The following DGKK variants were observed in gnomAD, a reference collection of about 807,000 sequenced individuals.
DGKK encodes 142 kDa diacylglycerol kinase.
Under a neutral mutation model 92.2 loss-of-function variants are expected in DGKK, and 35 were observed. The observed-to-expected ratio is 0.38, with a 90% confidence interval of 0.29 to 0.50. The LOEUF is 0.50. Ranked by LOEUF, DGKK falls within the 20% of genes least tolerant of loss-of-function variation. The probability of loss-of-function intolerance (pLI) is 0.92; values close to 1 mark genes in which losing one functional copy is unlikely to be tolerated. For missense variants in DGKK, 910 were observed against 992.2 expected (o/e 0.92, Z 1.11); for synonymous variants, 368 against 360.6 (o/e 1.02, Z -0.23).
intron 1 of DGKK, among the ~76,000 whole-genome samples, chrX:50,454,203 T>C (rs1557232679): frequency 2.7e-5 from 3 of 111,063 alleles, no homozygotes; most frequent in African/African-American, 6.5e-5. Flanking sequence ...TCCTTTAAAT[T>C]TGAGTTTCTC....
intron 1 of DGKK, among the ~76,000 whole-genome samples, chrX:50,458,389 C>G (rs536674649): frequency 4.6e-5 from 5 of 109,715 alleles, no homozygotes; most frequent in African/African-American, 1.7e-4. Context: ...GGATTTTCAT[C>G]ATGGTTTCTT....
intron 1 of DGKK, among the ~76,000 whole-genome samples, chrX:50,464,629 G>A (rs1031359378): frequency 4.9e-4 from 54 of 109,537 alleles, no homozygotes; most frequent in African/African-American, 1.7e-3. Context: ...TATCCTTGGC[G>A]AGGTTGAAGA....
At chrX:50,402,955 A>T in intron 7 of DGKK, 106 bp downstream of exon 7, 2 of 1,036,108 alleles carry the variant, frequency 1.9e-6, no homozygotes, top group East Asian at 6.4e-5. Context: ...CTGTTTTGAG[A>T]TAAGAGTTTC....
chrX:50,459,961 A>G (rs782477873), intron 1 of DGKK, among the ~76,000 whole-genome samples: 2 of 112,574 alleles, frequency 1.8e-5, no homozygotes, highest in East Asian at 2.8e-4. Flanking sequence ...ATTTTCCTCT[A>G]TAGTGCACAG....
intron 9 of DGKK, 104 bp downstream of exon 9, chrX:50,393,048 T>G (rs1924741309): frequency 1.4e-6 from 1 of 703,993 alleles, no homozygotes; most frequent in Admixed American, 3.6e-5. Context: ...AGACCTTTCC[T>G]GCCCAAATAC....
chrX:50,453,548 A>G (rs1926540348), intron 1 of DGKK, among the ~76,000 whole-genome samples: 1 of 111,758 alleles, frequency 8.9e-6, no homozygotes, highest in Non-Finnish European at 1.9e-5. Context: ...AATTAGAAGT[A>G]GTATTCCTTA....
intron 1 of DGKK, among the ~76,000 whole-genome samples, chrX:50,436,982 A>G (rs1377267938): frequency 8.9e-6 from 1 of 112,019 alleles, no homozygotes; most frequent in Non-Finnish European, 1.9e-5. Flanking sequence ...GACATAATCA[A>G]GTGTGCCAGT....
At chrX:50,421,163 C>T (rs1925577014) in intron 3 of DGKK, among the ~76,000 whole-genome samples, 1 of 111,360 alleles carries the variant, frequency 9.0e-6, no homozygotes, top group Non-Finnish European at 1.9e-5. Flanking sequence ...TTTCTTAACC[C>T]TGCTTGGCAC....
At chrX:50,397,221 T>C (rs781979365) in intron 8 of DGKK, among the ~76,000 whole-genome samples, 1 of 112,083 alleles carries the variant, frequency 8.9e-6, no homozygotes, top group South Asian at 3.8e-4. Flanking sequence ...TCATGTTTCT[T>C]TGAGCTGCAT....
At chrX:50,457,687 C>T (rs1179341799) in intron 1 of DGKK, among the ~76,000 whole-genome samples, 7 of 111,750 alleles carry the variant, frequency 6.3e-5, no homozygotes, top group African/African-American at 2.3e-4. Flanking sequence ...CTTACAAATT[C>T]AATGTGGATG....
At chrX:50,464,571 T>G (rs1926846819) in intron 1 of DGKK, among the ~76,000 whole-genome samples, 1 of 110,988 alleles carries the variant, frequency 9.0e-6, no homozygotes, top group African/African-American at 3.3e-5. Context: ...TTGTTTGTTT[T>G]CCTTAATTTC....
intron 1 of DGKK, among the ~76,000 whole-genome samples, chrX:50,439,644 T>C (rs1251650950): frequency 2.7e-5 from 3 of 111,158 alleles, no homozygotes; most frequent in African/African-American, 9.8e-5. Context: ...TACATATAAA[T>C]AGTCCAAGCC....
rs981117085 is a variant in DGKK at position 50,384,726 on chromosome X, G to A, written c.2446C>T (p.Arg816Ter). ...AAGACAGAAAGATCCTTACGGCGTC[G>A]TGGGCTTGTCTGGTTAATATCTTCT... ...DPEDINQTSP[R>*]RRSRRGTLSS... Residue 816 changes from arginine to a stop codon, truncating the protein, a stop_gained, in exon 16 of 28, where the codon CGA becomes TGA. Transcript: ENST00000611977. LOFTEE classifies it high-confidence loss of function. 2.5e-6 allele frequency: 3 copies of A among 1,207,355 alleles called. No individual in the cohort carries two copies. The highest frequency in any genetic ancestry group is 3.4e-6 in the Non-Finnish European group (3 of 892,414).
intron 3 of DGKK, among the ~76,000 whole-genome samples, chrX:50,421,297 G>A (rs1925580399): frequency 9.0e-6 from 1 of 111,698 alleles, no homozygotes; most frequent in Non-Finnish European, 1.9e-5. Context: ...ATCAGTCATT[G>A]CTTCCATTGC....
intron 1 of DGKK, among the ~76,000 whole-genome samples, chrX:50,460,150 C>T (rs1242147061): frequency 2.7e-5 from 3 of 111,794 alleles, no homozygotes; most frequent in African/African-American, 9.8e-5. Context: ...AGTGAGGGCT[C>T]AACTGACAGA....
At chrX:50,408,431 T>A (rs781876690) in intron 4 of DGKK, among the ~76,000 whole-genome samples, 2 of 111,851 alleles carry the variant, frequency 1.8e-5, no homozygotes, top group Admixed American at 1.9e-4. Flanking sequence ...CAGGCTGGAG[T>A]GCAGTGGCGC....
intron 26 of DGKK, among the ~76,000 whole-genome samples, chrX:50,371,141 C>G (rs1557223122): frequency 8.9e-6 from 1 of 112,483 alleles, no homozygotes; most frequent in Non-Finnish European, 1.9e-5. Context: ...CTCTGTAATT[C>G]CAGCTTAGGC....
intron 1 of DGKK, among the ~76,000 whole-genome samples, chrX:50,432,934 A>G (rs782668819): frequency 1.8e-5 from 2 of 111,617 alleles, no homozygotes; most frequent in African/African-American, 3.3e-5. Flanking sequence ...TGTTTGGGGT[A>G]TGGGGAGGAG....
At position 50,380,077 on chromosome X, in the gene DGKK, A is replaced by G; in HGVS notation, c.2658T>C (p.Asn886=). Reference sequence around the variant, plus strand: ...ACCACATCTTGTTCTTAAGGCGGCTACTACATGGAGGTAAGCATTAAGAAA... The same window carrying G: ...ACCACATCTTGTTCTTAAGGCGGCTGCTACATGGAGGTAAGCATTAAGAAA... ...TRRDEHPGQY[N]SRLKNKMWYG... Residue 886 remains asparagine (N), a splice_region_variant and synonymous_variant, in exon 19 of 28, where the codon AAT becomes AAC. Transcript: ENST00000611977. 1.7e-6 allele frequency: 2 copies of G among 1,198,642 alleles called. No homozygotes were observed. The highest frequency in any genetic ancestry group is 2.3e-6 in the Non-Finnish European group (2 of 883,494).
Sources: gnomAD v4.1 joint callset for allele counts (sites outside exome capture counted in the v4.1 genomes callset) on GRCh38, gnomAD v4.1.1 for gene constraint, MANE v1.5 for transcripts, NCBI Gene and HGNC (gene_info 2026-07-23, HGNC 2026-07-21) for gene names.